The following SEMA3E variants were observed in gnomAD, a reference collection of about 807,000 sequenced individuals.
SEMA3E encodes the protein semaphorin 3E.
A neutral mutation model predicts 93.6 loss-of-function variants in SEMA3E; 49 were observed. The observed-to-expected ratio is 0.52, with a 90% CI of 0.42 to 0.66. The LOEUF is 0.66. Ranked by LOEUF, SEMA3E falls within the 30% of genes least tolerant of loss-of-function variation. SEMA3E has a pLI of 0.00. For synonymous variants in SEMA3E, 363 were observed against 330.7 expected (o/e 1.10, Z -1.06); for missense variants, 906 against 964.8 (o/e 0.94, Z 0.81).
At chr7:83,556,593 T>C (rs1024174352) in intron 1 of SEMA3E, among the ~76,000 whole-genome samples, 7 of 152,182 alleles carry the variant, frequency 4.6e-5, no homozygotes, top group African/African-American at 1.7e-4. Context: ...GAAGCATTTG[T>C]AGGTACAAGT....
At chr7:83,578,390 T>C (rs945099781) in intron 1 of SEMA3E, among the ~76,000 whole-genome samples, 1 of 152,016 alleles carries the variant, frequency 6.6e-6, no homozygotes, top group African/African-American at 2.4e-5. Context: ...AACCCACCTC[T>C]AATAAAAATA....
chr7:83,423,617 C>T (rs1788712411), intron 4 of SEMA3E, among the ~76,000 whole-genome samples: 2 of 151,484 alleles, frequency 1.3e-5, no homozygotes, highest in South Asian at 2.1e-4. Context: ...CATTCTCCTG[C>T]CTCAGCCTCC....
intron 1 of SEMA3E, among the ~76,000 whole-genome samples, chr7:83,519,576 A>G (rs1791003126): frequency 6.6e-6 from 1 of 152,074 alleles, no homozygotes; most frequent in South Asian, 2.1e-4. Flanking sequence ...TAAAGCCTTC[A>G]AGATTCATAC....
chr7:83,423,713 A>G (rs2722999), intron 4 of SEMA3E, among the ~76,000 whole-genome samples: 84,695 of 149,018 alleles, frequency 0.57, 24,911 homozygotes, highest in East Asian at 0.85. Context: ...GAGTTTCACC[A>G]TGTTAGCCAG....
intron 1 of SEMA3E, among the ~76,000 whole-genome samples, chr7:83,583,248 A>G (rs772810920): frequency 1.3e-5 from 2 of 152,142 alleles, no homozygotes. Flanking sequence ...ATGATTGTAC[A>G]TATTTATGGG....
intron 10 of SEMA3E, 138 bp from the exon 11 acceptor site, chr7:83,400,388 T>A: frequency 1.2e-6 from 1 of 811,430 alleles, no homozygotes. Flanking sequence ...AGTAATCATA[T>A]ATTTTTCTTT....
At chr7:83,562,037 A>G (rs1310200462) in intron 1 of SEMA3E, among the ~76,000 whole-genome samples, 1 of 152,208 alleles carries the variant, frequency 6.6e-6, no homozygotes, top group African/African-American at 2.4e-5. Context: ...TATGTAAAAT[A>G]CAATGCCAAA....
chr7:83,520,677 T>C (rs1791025353), intron 1 of SEMA3E, among the ~76,000 whole-genome samples: 1 of 152,176 alleles, frequency 6.6e-6, no homozygotes, highest in South Asian at 2.1e-4. Flanking sequence ...ACTTAATAGA[T>C]GCAAGTTTAG....
At chr7:83,622,200 G>A (rs1031547344) in intron 1 of SEMA3E, among the ~76,000 whole-genome samples, 12 of 151,508 alleles carry the variant, frequency 7.9e-5, no homozygotes, top group African/African-American at 2.9e-4. Flanking sequence ...CTCAAAAGAA[G>A]ACATACATGC....
chr7:83,610,086 T>C (rs1358626935), intron 1 of SEMA3E, among the ~76,000 whole-genome samples: 1 of 152,010 alleles, frequency 6.6e-6, no homozygotes, highest in Non-Finnish European at 1.5e-5. Flanking sequence ...TTTAAATACC[T>C]GAGACAAATA....
At chr7:83,525,578 C>T (rs900763439) in intron 1 of SEMA3E, among the ~76,000 whole-genome samples, 4 of 151,912 alleles carry the variant, frequency 2.6e-5, no homozygotes, top group Admixed American at 1.3e-4. Flanking sequence ...ATTTCCTCAA[C>T]TTTAATTTTT....
At chr7:83,487,605 G>A (rs1012545458) in intron 2 of SEMA3E, among the ~76,000 whole-genome samples, 15 of 151,772 alleles carry the variant, frequency 9.9e-5, no homozygotes, top group Non-Finnish European at 1.3e-4. Flanking sequence ...TAGTGGCAAA[G>A]CCAGTTAGGA....
At chr7:83,640,961 A>G (rs993502592) in intron 1 of SEMA3E, among the ~76,000 whole-genome samples, 1 of 152,080 alleles carries the variant, frequency 6.6e-6, no homozygotes, top group Non-Finnish European at 1.5e-5. Flanking sequence ...GAGAAAGAGA[A>G]GGAAGAAAAA....
intron 1 of SEMA3E, among the ~76,000 whole-genome samples, chr7:83,601,670 C>A (rs1051930461): frequency 6.6e-6 from 1 of 152,220 alleles, no homozygotes; most frequent in African/African-American, 2.4e-5. Context: ...GACTACCTTT[C>A]TCTCGTCATG....
intron 4 of SEMA3E, among the ~76,000 whole-genome samples, chr7:83,434,509 C>T (rs1041806312): frequency 6.6e-6 from 1 of 152,116 alleles, no homozygotes; most frequent in African/African-American, 2.4e-5. Context: ...TGACTAGCGT[C>T]TTAGCTGACT....
chr7:83,518,929 T>C (rs1790988131), intron 1 of SEMA3E, among the ~76,000 whole-genome samples: 1 of 152,134 alleles, frequency 6.6e-6, no homozygotes, highest in Non-Finnish European at 1.5e-5. Context: ...GAATTTCTTT[T>C]CTTTTTTACT....
chr7:83,630,774 T>C (rs1249269199), intron 1 of SEMA3E, among the ~76,000 whole-genome samples: 1 of 152,114 alleles, frequency 6.6e-6, no homozygotes, highest in South Asian at 2.1e-4. Flanking sequence ...ACTGGTAATG[T>C]AGGAAAAGAG....
chr7:83,613,173 ACTACT>A (rs951252034), intron 1 of SEMA3E, among the ~76,000 whole-genome samples: 10 of 152,056 alleles, frequency 6.6e-5, no homozygotes, highest in African/African-American at 2.2e-4. Flanking sequence ...TCCTATCACA[ACTACT>A]CTATAGTCCG....
At chr7:83,434,062 T>C (rs895451502) in intron 4 of SEMA3E, among the ~76,000 whole-genome samples, 1 of 152,128 alleles carries the variant, frequency 6.6e-6, no homozygotes, top group Non-Finnish European at 1.5e-5. Flanking sequence ...TAAATAACTG[T>C]AGTTTTACCA....
Sources: gnomAD v4.1 joint callset for allele counts (sites outside exome capture counted in the v4.1 genomes callset) on GRCh38, gnomAD v4.1.1 for gene constraint, MANE v1.5 for transcripts, NCBI Gene and HGNC (gene_info 2026-07-23, HGNC 2026-07-21) for gene names.